NELL1: variants seen among roughly 807,000 people sequenced by gnomAD.
NELL1 encodes neural EGFL like 1.
Under a neutral mutation model 107.4 loss-of-function variants are expected in NELL1, and 76 were observed. The observed-to-expected ratio is 0.71, with a 90% CI of 0.59 to 0.86. The LOEUF (loss-of-function observed/expected upper bound fraction) is 0.86, where lower values mean the gene tolerates loss of function less well. Among genes scored for constraint, NELL1 ranks in the 40% least tolerant of loss-of-function variants. The pLI is 0.00. For missense variants in NELL1, 1,024 were observed against 1,005.5 expected (o/e 1.02, Z -0.25); for synonymous variants, 353 against 341.2 (o/e 1.03, Z -0.38).
At chr11:21,556,599 A>G (rs906903842) in intron 16 of NELL1, among the ~76,000 whole-genome samples, 8 of 151,960 alleles carry the variant, frequency 5.3e-5, no homozygotes, top group Admixed American at 3.3e-4. Flanking sequence ...CAAGTAACCT[A>G]AAAACCTCAC....
At chr11:21,173,848 T>G (rs1259714210) in intron 13 of NELL1, among the ~76,000 whole-genome samples, 3 of 151,664 alleles carry the variant, frequency 2.0e-5, no homozygotes, top group Non-Finnish European at 4.4e-5. Flanking sequence ...GAGGTCTTTG[T>G]TTGGGTTGAG....
chr11:21,532,042 T>C (rs1478874748), intron 15 of NELL1, among the ~76,000 whole-genome samples: 1 of 152,210 alleles, frequency 6.6e-6, no homozygotes, highest in Non-Finnish European at 1.5e-5. Flanking sequence ...GCTTTAATTA[T>C]AGACCTTGCA....
chr11:21,099,860 G>A (rs1017078414), intron 12 of NELL1, among the ~76,000 whole-genome samples: 15 of 152,136 alleles, frequency 9.9e-5, no homozygotes, highest in African/African-American at 3.6e-4. Flanking sequence ...ACAGGCCTGG[G>A]ATTGGTACCC....
intron 13 of NELL1, among the ~76,000 whole-genome samples, chr11:21,138,149 G>A (rs1035517801): frequency 6.6e-6 from 1 of 151,998 alleles, no homozygotes; most frequent in African/African-American, 2.4e-5. Context: ...TATTCCCTCG[G>A]TGCTCTTGGG....
At chr11:20,960,371 A>C in intron 11 of NELL1, 61 bp from the exon 12 acceptor site, 1 of 1,539,958 alleles carries the variant, frequency 6.5e-7, no homozygotes, top group Non-Finnish European at 8.9e-7. Flanking sequence ...TACATACTTT[A>C]TTTTGGGGAG....
intron 12 of NELL1, among the ~76,000 whole-genome samples, chr11:21,105,262 TC>T (rs1434889364): frequency 1.3e-5 from 2 of 152,074 alleles, no homozygotes; most frequent in Non-Finnish European, 2.9e-5. Context: ...TAGCTCTCTC[TC>T]CTGCAGAGAG....
At position 20,979,431 on chromosome 11, in the gene NELL1, C is replaced by T. The variant is rs11827467; in HGVS notation, c.1300+18871C>T. 5.3e-3 allele frequency among the ~76,000 whole-genome samples: 807 copies of T among 152,206 alleles called. 7 individuals are homozygous for T. Among genetic ancestry groups the T allele is most frequent in the African/African-American group, 0.019 (769 of 41,554 alleles). On this transcript the variant is annotated intron_variant, in intron 12 of 19. Transcript: ENST00000357134. ...AATAAATCATGCTACTGGGCCTACC[C>T]CCATGTTATCTTCCATGTAAATAGC...
intron 16 of NELL1, among the ~76,000 whole-genome samples, chr11:21,551,760 C>T (rs907112422): frequency 9.9e-5 from 15 of 151,364 alleles, no homozygotes; most frequent in African/African-American, 3.6e-4. Context: ...CTAGAAATAC[C>T]ATTTGACCCA....
intron 12 of NELL1, among the ~76,000 whole-genome samples, chr11:20,991,832 G>T (rs919035391): frequency 1.3e-5 from 2 of 152,122 alleles, no homozygotes; most frequent in Non-Finnish European, 2.9e-5. Flanking sequence ...AGCAGAGGAA[G>T]TTAATTTGGC....
intron 14 of NELL1, among the ~76,000 whole-genome samples, chr11:21,285,927 A>G (rs1189793924): frequency 6.6e-6 from 1 of 152,200 alleles, no homozygotes; most frequent in Non-Finnish European, 1.5e-5. Flanking sequence ...ATTGTTACTT[A>G]ATTAGGAAAT....
At chr11:21,115,679 C>T (rs893913546) in intron 13 of NELL1, among the ~76,000 whole-genome samples, 1 of 151,874 alleles carries the variant, frequency 6.6e-6, no homozygotes, top group Non-Finnish European at 1.5e-5. Context: ...GCCCTCCCTC[C>T]CCTATTAGAA....
intron 14 of NELL1, among the ~76,000 whole-genome samples, chr11:21,335,693 C>A (rs1436800219): frequency 6.6e-6 from 1 of 152,032 alleles, no homozygotes; most frequent in East Asian, 1.9e-4. Context: ...CCTTTCCCCA[C>A]CCTCTAAAAA....
chr11:21,264,071 G>GGTGTGT lies in NELL1; in HGVS notation c.1549+34638_1549+34643dup, dbSNP rs10525326. Among the ~76,000 whole-genome samples the GGTGTGT allele has an allele frequency of 4.0e-3, 556 of 139,522 alleles. 8 individuals carry two copies. Among genetic ancestry groups the GGTGTGT allele is most frequent in the East Asian group, 0.036 (168 of 4,706 alleles). The allele number at this position is 139,522 out of a possible 152,430, so 91.5% of individuals were successfully genotyped here. Reference sequence around the variant, plus strand: ...TTAGATGTCTGAAAGTCTACAATGGGGTGTGTGTGTGTGTGTGTGTGTGTG... The same window carrying GGTGTGT: ...TTAGATGTCTGAAAGTCTACAATGGGGTGTGTGTGTGTGTGTGTGTGTGTGTGTGTG... On this transcript the variant is annotated intron_variant, in intron 14 of 19. Coordinates refer to ENST00000357134, the MANE Select transcript of NELL1 (RefSeq NM_006157.5).
At chr11:20,702,493 C>A (rs1854820072) in intron 2 of NELL1, among the ~76,000 whole-genome samples, 1 of 152,050 alleles carries the variant, frequency 6.6e-6, no homozygotes, top group African/African-American at 2.4e-5. Context: ...TAACTGAATA[C>A]CCTTTATTTC....
intron 12 of NELL1, among the ~76,000 whole-genome samples, chr11:21,104,550 C>CT (rs1320952414): frequency 6.6e-6 from 1 of 152,170 alleles, no homozygotes; most frequent in East Asian, 1.9e-4. Context: ...ATCCAACACT[C>CT]TAATTTGTAT....
intron 12 of NELL1, among the ~76,000 whole-genome samples, chr11:21,083,653 A>G (rs570713378): frequency 6.6e-6 from 1 of 152,280 alleles, no homozygotes; most frequent in South Asian, 2.1e-4. Flanking sequence ...AAAATAAACT[A>G]GATCTGGGCT....
intron 14 of NELL1, among the ~76,000 whole-genome samples, chr11:21,268,450 TCAGAGCCTACC>T (rs1015576092): frequency 1.3e-5 from 2 of 152,090 alleles, no homozygotes; most frequent in Admixed American, 1.3e-4. Flanking sequence ...GGGGTTTTTA[TCAGAGCCTACC>T]CAATCTAGGG....
Position 21,119,316 on chromosome 11 carries a change from G to A in NELL1, c.1426+5602G>A, listed in dbSNP as rs186684040. Among the ~76,000 whole-genome samples, 810 of 151,190 alleles carry A rather than the reference G, an allele frequency of 5.4e-3. 10 individuals are homozygous for A. The highest frequency in any genetic ancestry group is 0.018 in the African/African-American group (746 of 41,192). On this transcript the variant is annotated intron_variant, in intron 13 of 19. Transcript: ENST00000357134. ...GACAGTGGATGCTAAGCATGATGGA[G>A]GAGAAAGGCAATGCATTACACAGAA... is the stretch of plus-strand genomic sequence containing the variant.
intron 14 of NELL1, among the ~76,000 whole-genome samples, chr11:21,298,156 C>T (rs1849411754): frequency 6.6e-6 from 1 of 151,904 alleles, no homozygotes. Flanking sequence ...GTTTTTGTTT[C>T]AATGATACTC....
Sources: allele counts gnomAD v4.1 joint callset (sites outside exome capture counted in the v4.1 genomes callset), GRCh38; gene constraint gnomAD v4.1.1; transcripts MANE v1.5; gene names NCBI Gene and HGNC (gene_info 2026-07-23, HGNC 2026-07-21).